COPG1: variants seen among roughly 807,000 people sequenced by gnomAD.
COPG1 encodes coat protein complex I subunit gamma 1, also known as coatomer subunit gamma-1.
COPG1 carries 29 observed loss-of-function variants against 102.8 expected under a neutral mutation model. That is an observed-to-expected ratio of 0.28 (90% CI 0.21 to 0.38). The LOEUF is 0.38. Ranked by LOEUF, COPG1 falls within the 10% of genes least tolerant of loss-of-function variation. The probability of loss-of-function intolerance (pLI) is 1.00; values close to 1 mark genes in which losing one functional copy is unlikely to be tolerated. For synonymous variants in COPG1, 406 were observed against 421.6 expected (o/e 0.96, Z 0.45); for missense variants, 875 against 1,132.7 (o/e 0.77, Z 3.27).
intron 6 of COPG1, 69 bp downstream of exon 6, chr3:129,254,812 C>T (rs1939772563): frequency 7.0e-7 from 1 of 1,436,148 alleles, no homozygotes; most frequent in African/African-American, 1.4e-5. Context: ...CTTTTGCATT[C>T]TTTGGGGTGT....
intron 16 of COPG1, 69 bp downstream of exon 16, chr3:129,268,109 CAGGGGA>C: frequency 1.5e-6 from 2 of 1,330,666 alleles, no homozygotes; most frequent in Non-Finnish European, 2.1e-6. Flanking sequence ...ACTCCCTGGG[CAGGGGA>C]AATCAGAGGC....
chr3:129,277,600 ACT>A lies in COPG1; in HGVS notation c.*177_*178del. On this transcript the variant is annotated 3_prime_UTR_variant, in exon 24 of 24. Coordinates refer to ENST00000314797, the MANE Select transcript of COPG1 (RefSeq NM_016128.4). ...TCCCACCCGGGACTACTTGCTGGTG[ACT>A]TTTTTTTTTTTTTTTTTTAAATAGG... is the stretch of plus-strand genomic sequence containing the variant. 5.4e-6 allele frequency: 2 copies of A among 371,684 alleles called. No homozygotes were observed. The highest frequency in any genetic ancestry group is 9.0e-6 in the Non-Finnish European group (2 of 221,328). The allele number at this position is 371,684 out of a possible 1,614,324, so 23.0% of individuals were successfully genotyped here.
chr3:129,265,337 C>A (rs771513545), intron 13 of COPG1, among the ~76,000 whole-genome samples: 1 of 152,146 alleles, frequency 6.6e-6, no homozygotes, highest in Non-Finnish European at 1.5e-5. Context: ...AGTGGTCCAC[C>A]CACCTCAGCC....
chr3:129,264,146 T>C, intron 13 of COPG1, 147 bp downstream of exon 13: 1 of 686,352 alleles, frequency 1.5e-6, no homozygotes, highest in Non-Finnish European at 2.6e-6. Flanking sequence ...TTTAAACTCC[T>C]TGTGGACATG....
rs982625202 is a variant in COPG1 at position 129,260,104 on chromosome 3, C to T, written c.872-229C>T. On this transcript the variant is annotated intron_variant, in intron 10 of 23. Coordinates refer to ENST00000314797, the MANE Select transcript of COPG1 (RefSeq NM_016128.4). ...CACAGCACCTGGCACACAGCAGATG[C>T]CCAGTGAATAACAGCCCTCACTGGA... The T allele has an allele frequency of 3.7e-5, 21 of 573,398 alleles. No homozygotes were observed. The East Asian group carries it at 5.8e-4, about 16-fold the overall frequency. The allele number at this position is 573,398 out of a possible 1,614,324, so 35.5% of individuals were successfully genotyped here. A position where few individuals can be genotyped will look rare whatever the true frequency, so the allele number is the denominator to read the frequency against.
rs1012835696 is a variant in COPG1, at chr3:129,263,803, G to T, written c.1129-101G>T. On this transcript the variant is annotated intron_variant, in intron 12 of 23. Coordinates refer to ENST00000314797, the MANE Select transcript of COPG1 (RefSeq NM_016128.4). ...TCCTTGCCCTTGTGTCATGCCCAAG[G>T]CCTGGCCTTACCTAAGGAAGGACTC... The T allele has an allele frequency of 3.7e-5, 35 of 955,618 alleles. No individual in the cohort carries two copies. In the East Asian group the frequency reaches 7.8e-4, roughly 21 times the overall value. 59.2% of individuals were successfully genotyped at this position (955,618 alleles called of 1,614,324 possible). A position where few individuals can be genotyped will look rare whatever the true frequency, so the allele number is the denominator to read the frequency against.
intron 2 of COPG1, chr3:129,251,031 C>G (rs1023220002): frequency 1.0e-5 from 3 of 291,124 alleles, no homozygotes; most frequent in Non-Finnish European, 2.0e-5. Flanking sequence ...TCACGCCATT[C>G]TCCTGCCTCA....
At chr3:129,257,367 C>A in intron 8 of COPG1, 103 bp from the exon 9 acceptor site, 2 of 1,225,350 alleles carry the variant, frequency 1.6e-6, no homozygotes, top group Non-Finnish European at 2.4e-6. Context: ...TGCTACTGTG[C>A]CCATCTTAGA....
chr3:129,274,198 AG>A (rs200364187), intron 21 of COPG1: 426 of 427,294 alleles, frequency 1.0e-3, no homozygotes, highest in South Asian at 3.2e-3. Flanking sequence ...AAAAAAAAAA[AG>A]AGAGAGAGAG....
At chr3:129,264,286 T>C (rs917086888) in intron 13 of COPG1, among the ~76,000 whole-genome samples, 3 of 152,248 alleles carry the variant, frequency 2.0e-5, no homozygotes, top group Non-Finnish European at 4.4e-5. Flanking sequence ...TGGTGGACTC[T>C]AGTGCAGAAA....
chr3:129,265,455 T>A, intron 13 of COPG1, 94 bp from the exon 14 acceptor site: 1 of 1,483,630 alleles, frequency 6.7e-7, no homozygotes, highest in Non-Finnish European at 9.1e-7. Flanking sequence ...GTCTCCAAGT[T>A]CTGTGTTTGG....
Position 129,268,507 on chromosome 3 carries a change from C to T in COPG1, c.1661C>T (p.Ser554Phe). The change falls in exon 17 of 24, where the codon TCC becomes TTC. Residue 554 changes from serine to phenylalanine, a missense_variant. Ser to Phe is a radical substitution (Grantham distance 155). Transcript: ENST00000314797. ...AGYILNGLTV[S>F]IPGLERALQQ... ...TCTTCACCTCCAGGTCTGACTGTGT[C>T]CATCCCTGGTCTGGAGAGGGCTCTG... The T allele has an allele frequency of 6.2e-7, 1 of 1,614,186 alleles. No homozygotes were observed. Among genetic ancestry groups the T allele is most frequent in the Non-Finnish European group, 8.5e-7 (1 of 1,180,018 alleles).
Position 129,277,597 on chromosome 3 carries a change from G to GT in COPG1, c.*174dup. On this transcript the variant is annotated 3_prime_UTR_variant, in exon 24 of 24. Transcript: ENST00000314797. Reference sequence around the variant, plus strand: ...ACCTCCCACCCGGGACTACTTGCTGGTGACTTTTTTTTTTTTTTTTTTTAA... The same window carrying GT: ...ACCTCCCACCCGGGACTACTTGCTGGTTGACTTTTTTTTTTTTTTTTTTTAA... 2.1e-6 allele frequency: 1 copy of GT among 478,058 alleles called. No homozygotes were observed. The highest frequency in any genetic ancestry group is 3.5e-6 in the Non-Finnish European group (1 of 288,508). 29.6% of individuals were successfully genotyped at this position (478,058 alleles called of 1,614,324 possible).
At chr3:129,276,099 C>T (rs72981128) in intron 23 of COPG1, among the ~76,000 whole-genome samples, 18,742 of 152,238 alleles carry the variant, frequency 0.12, 1,305 homozygotes, top group Middle Eastern at 0.23. Flanking sequence ...TAAATAACTC[C>T]AAGTTGCCTT....
chr3:129,251,678 G>A (rs897981360), intron 2 of COPG1, among the ~76,000 whole-genome samples: 7 of 150,828 alleles, frequency 4.6e-5, no homozygotes, highest in African/African-American at 1.5e-4. Flanking sequence ...GAGCCACCGC[G>A]CCCGGCCACT....
rs1337204132 is a variant in COPG1, at chr3:129,271,575, T to C, written c.1844-192T>C. ...AGTATTTGTGGGGGGTTGTGCCACA[T>C]GAGCGAAGTCAGGGAGATGAGAAAA... On this transcript the variant is annotated intron_variant, in intron 18 of 23. Transcript: ENST00000314797. This position sits in a 1 kb window ranked among gnomAD's most constrained non-coding sequence, Gnocchi z 4.7. Among the ~76,000 whole-genome samples, 1 of 152,190 alleles carries C rather than the reference T, an allele frequency of 6.6e-6. No homozygotes were observed. The highest frequency in any genetic ancestry group is 1.5e-5 in the Non-Finnish European group (1 of 68,030).
At chr3:129,250,627 G>A (rs900725386) in intron 1 of COPG1, 55 bp from the exon 2 acceptor site, 2 of 1,401,814 alleles carry the variant, frequency 1.4e-6, no homozygotes, top group African/African-American at 2.8e-5. Flanking sequence ...CTATGTCTGG[G>A]AGAGTTTTGA....
At chr3:129,252,813 C>A in intron 4 of COPG1, 63 bp from the exon 5 acceptor site, 1 of 1,572,190 alleles carries the variant, frequency 6.4e-7, no homozygotes, top group Non-Finnish European at 8.7e-7. Context: ...CAGGAGGTAT[C>A]TTCTCCCAAC....
At chr3:129,276,974 C>G (rs1940284022) in intron 23 of COPG1, among the ~76,000 whole-genome samples, 1 of 152,048 alleles carries the variant, frequency 6.6e-6, no homozygotes, top group African/African-American at 2.4e-5. Flanking sequence ...CAGGCGTCCA[C>G]CACCATGCCC....
Sources: gnomAD v4.1 joint callset for allele counts (sites outside exome capture counted in the v4.1 genomes callset) on GRCh38, gnomAD v4.1.1 for gene constraint, Gnocchi (gnomAD v3.1) non-coding constraint, MANE v1.5 for transcripts, NCBI Gene and HGNC (gene_info 2026-07-23, HGNC 2026-07-21) for gene names.